Variants in DCDC1 observed in about 807,000 individuals in gnomAD.
DCDC1 encodes the protein doublecortin domain containing 1.
Under a neutral mutation model 178.3 loss-of-function variants are expected in DCDC1, and 200 were observed. That is an observed-to-expected ratio of 1.12 (90% CI 1.00 to 1.26). The LOEUF is 1.26. Ranked by LOEUF, DCDC1 falls within the 50% of genes most tolerant of loss-of-function variation. The pLI, the probability that DCDC1 is intolerant of heterozygous loss-of-function variation, is 0.00. For missense variants in DCDC1, 1,983 were observed against 1,749.2 expected (o/e 1.13, Z -2.38); for synonymous variants, 690 against 604.8 (o/e 1.14, Z -2.07).
intron 34 of DCDC1, among the ~76,000 whole-genome samples, chr11:30,895,706 G>A (rs1172413560): frequency 6.6e-6 from 1 of 152,090 alleles, no homozygotes; most frequent in African/African-American, 2.4e-5. Flanking sequence ...AAACATAATT[G>A]AATCAATCAG....
At chr11:31,032,190 TAGATCA>T (rs1306593118) in intron 20 of DCDC1, among the ~76,000 whole-genome samples, 1 of 152,142 alleles carries the variant, frequency 6.6e-6, no homozygotes, top group Admixed American at 6.5e-5. Flanking sequence ...AAAGTTCATA[TAGATCA>T]AGATCTCAGG....
chr11:31,100,078 A>AAGGGTGACAGAGAAGGC (rs1194424211), intron 15 of DCDC1, among the ~76,000 whole-genome samples: 1 of 152,160 alleles, frequency 6.6e-6, no homozygotes, highest in African/African-American at 2.4e-5. Flanking sequence ...GATATGGCAC[A>AAGGGTGACAGAGAAGGC]AGGGTGACAG....
chr11:30,987,549 A>G (rs1278683821), intron 20 of DCDC1, among the ~76,000 whole-genome samples: 1 of 152,200 alleles, frequency 6.6e-6, no homozygotes, highest in East Asian at 1.9e-4. Context: ...GATGGACTGT[A>G]TGGCTAATTT....
chr11:30,984,128 A>T (rs1437419832), intron 20 of DCDC1, among the ~76,000 whole-genome samples: 1 of 152,194 alleles, frequency 6.6e-6, no homozygotes, highest in Non-Finnish European at 1.5e-5. Flanking sequence ...TAAAAGGAGC[A>T]AAAATAAATG....
In DCDC1 at chr11:30,876,767, C is replaced by T. The variant is rs149059618; in HGVS notation, c.*40+1777G>A. ...CAGGAAAGTGATAGGTACTTTTGCA[C>T]CTAGAGAGATGTCTTTGTTTTCAAG... is the stretch of plus-strand genomic sequence containing the variant. On this transcript the variant is annotated intron_variant, in intron 38 of 38. Transcript: ENST00000684477. Among the ~76,000 whole-genome samples the T allele has an allele frequency of 4.0e-3, 605 of 152,024 alleles. 1 individual carries two copies. The highest frequency in any genetic ancestry group is 0.014 in the African/African-American group (582 of 41,482).
chr11:31,218,721 TAAGTA>T lies in DCDC1; in HGVS notation c.1221+22724_1221+22728del, dbSNP rs767410623. Among the ~76,000 whole-genome samples, 5 of 152,226 alleles carry T rather than the reference TAAGTA, an allele frequency of 3.3e-5. No homozygotes were observed. In the East Asian group the frequency reaches 9.6e-4, roughly 29 times the overall value. On this transcript the variant is annotated intron_variant, in intron 9 of 38. Transcript: ENST00000684477. ...GGATTAAAAACTCAGTGTCTAACTC[TAAGTA>T]ACGTTAATATTTCAAACCTATATTC...
chr11:31,194,424 G>C (rs1286875867), intron 9 of DCDC1, among the ~76,000 whole-genome samples: 1 of 151,896 alleles, frequency 6.6e-6, no homozygotes, highest in African/African-American at 2.4e-5. Flanking sequence ...AGAAAATATG[G>C]ACAAGGATAG....
chr11:31,044,477 CAAAAAA>C (rs34317259), intron 20 of DCDC1, among the ~76,000 whole-genome samples: 1 of 96,910 alleles, frequency 1.0e-5, no homozygotes. Flanking sequence ...TACTCCATCT[CAAAAAA>C]AAAAAAAAAA....
At chr11:31,202,819 C>T (rs1471790858) in intron 9 of DCDC1, among the ~76,000 whole-genome samples, 1 of 152,052 alleles carries the variant, frequency 6.6e-6, no homozygotes, top group African/African-American at 2.4e-5. Flanking sequence ...TCAGTGAAGG[C>T]ATTTCCCAGG....
At chr11:30,880,220 G>A (rs1942529809) in intron 37 of DCDC1, among the ~76,000 whole-genome samples, 2 of 152,006 alleles carry the variant, frequency 1.3e-5, no homozygotes, top group South Asian at 4.2e-4. Context: ...ATGGGTGATG[G>A]GAACAGCAGA....
At chr11:31,130,538 C>A (rs1962298649) in intron 10 of DCDC1, among the ~76,000 whole-genome samples, 1 of 152,168 alleles carries the variant, frequency 6.6e-6, no homozygotes, top group South Asian at 2.1e-4. Context: ...GAGCCACAAA[C>A]AACCAGTAGC....
At chr11:30,929,038 T>C (rs1946764253) in intron 22 of DCDC1, among the ~76,000 whole-genome samples, 1 of 152,112 alleles carries the variant, frequency 6.6e-6, no homozygotes, top group Admixed American at 6.6e-5. Context: ...TTTTAGAATC[T>C]ATATTTTATT....
intron 10 of DCDC1, among the ~76,000 whole-genome samples, chr11:31,130,373 A>G (rs1022627416): frequency 2.0e-5 from 3 of 152,184 alleles, no homozygotes; most frequent in Admixed American, 6.5e-5. Context: ...AACAGAAGTA[A>G]CATATGCCAC....
intron 28 of DCDC1, among the ~76,000 whole-genome samples, chr11:30,909,838 G>C (rs913108662): frequency 2.0e-4 from 31 of 152,104 alleles, no homozygotes; most frequent in Non-Finnish European, 3.7e-4. Flanking sequence ...AATTGTGAAA[G>C]TTGGCTCAAG....
chr11:31,157,477 G>T (rs1340595308), intron 9 of DCDC1, among the ~76,000 whole-genome samples: 2 of 150,602 alleles, frequency 1.3e-5, no homozygotes. Context: ...ATATATATGT[G>T]TGTGTGTGTG....
chr11:31,076,178 CT>C (rs953790677), intron 18 of DCDC1, among the ~76,000 whole-genome samples: 1 of 151,830 alleles, frequency 6.6e-6, no homozygotes, highest in Admixed American at 6.6e-5. Context: ...CTTTTTTATT[CT>C]TTTTTTTCTT....
intron 1 of DCDC1, among the ~76,000 whole-genome samples, chr11:31,353,261 G>A (rs1377355341): frequency 6.6e-6 from 1 of 152,200 alleles, no homozygotes; most frequent in Non-Finnish European, 1.5e-5. Flanking sequence ...CTTCATCCAA[G>A]TTGGTGCAAA....
At chr11:30,880,613 C>A (rs1385260559) in intron 37 of DCDC1, among the ~76,000 whole-genome samples, 2 of 152,076 alleles carry the variant, frequency 1.3e-5, no homozygotes, top group Non-Finnish European at 2.9e-5. Context: ...TACCTACCTA[C>A]AAATACTGGC....
At chr11:31,119,675 T>A (rs1025293739) in intron 11 of DCDC1, among the ~76,000 whole-genome samples, 5 of 152,196 alleles carry the variant, frequency 3.3e-5, no homozygotes, top group Non-Finnish European at 7.3e-5. Context: ...TTGGAAACTT[T>A]AAACTTTTTT....
Sources: gnomAD v4.1 joint callset for allele counts (sites outside exome capture counted in the v4.1 genomes callset) on GRCh38, gnomAD v4.1.1 for gene constraint, MANE v1.5 for transcripts, NCBI Gene and HGNC (gene_info 2026-07-23, HGNC 2026-07-21) for gene names.